Variants in RIMS2 observed in about 807,000 individuals in gnomAD.
RIMS2 encodes regulating synaptic membrane exocytosis protein 2.
RIMS2 carries 59 observed loss-of-function variants against 174.4 expected under a neutral mutation model. The observed-to-expected ratio is 0.34, with a 90% CI of 0.27 to 0.42. RIMS2 has a LOEUF of 0.42. Among genes scored for constraint, RIMS2 ranks in the 10% least tolerant of loss-of-function variants. RIMS2 has a pLI of 1.00. For synonymous variants in RIMS2, 606 were observed against 572.5 expected, an observed-to-expected ratio of 1.06 and a Z score of -0.84; for missense variants, 1,620 against 1,666.3, an observed-to-expected ratio of 0.97 and a Z score of 0.48.
intron 2 of RIMS2, among the ~76,000 whole-genome samples, chr8:103,746,564 A>C (rs1313384562): frequency 4.6e-5 from 7 of 152,120 alleles, no homozygotes. Flanking sequence ...TATTAAGCCT[A>C]GTATCCATTA....
chr8:103,788,121 T>G (rs1213424426), intron 3 of RIMS2, among the ~76,000 whole-genome samples: 2 of 150,954 alleles, frequency 1.3e-5, no homozygotes, highest in African/African-American at 4.9e-5. Context: ...TTCAGCTCCA[T>G]CAGCCCCTTT....
At chr8:103,711,235 C>G (rs2097299727) in intron 2 of RIMS2, among the ~76,000 whole-genome samples, 1 of 152,102 alleles carries the variant, frequency 6.6e-6, no homozygotes, top group Non-Finnish European at 1.5e-5. Context: ...GTAGAAATCT[C>G]TGGGGCACCA....
At chr8:103,961,093 C>A in exon 15 of RIMS2, 1 of 1,505,998 alleles carries the variant, frequency 6.6e-7, no homozygotes, top group Non-Finnish European at 9.2e-7. Flanking sequence ...ATAGTGAAGT[C>A]TCTGACTATG....
intron 4 of RIMS2, among the ~76,000 whole-genome samples, chr8:103,905,828 T>C (rs1203948056): frequency 6.6e-6 from 1 of 150,688 alleles, no homozygotes; most frequent in Non-Finnish European, 1.5e-5. Flanking sequence ...GATTGGGTCA[T>C]TTTTATTGTT....
chr8:103,664,350 A>G (rs1174218477), intron 1 of RIMS2, among the ~76,000 whole-genome samples: 4 of 152,040 alleles, frequency 2.6e-5, no homozygotes, highest in Non-Finnish European at 5.9e-5. Context: ...GCAGTACAGA[A>G]TGGGAGAAAA....
At chr8:103,541,284 C>A (rs1317059354) in intron 1 of RIMS2, among the ~76,000 whole-genome samples, 1 of 152,170 alleles carries the variant, frequency 6.6e-6, no homozygotes, top group African/African-American at 2.4e-5. Flanking sequence ...GTAAGGCCAA[C>A]AGCCTGCTTC....
At chr8:103,837,668 A>G (rs1192581951) in intron 3 of RIMS2, among the ~76,000 whole-genome samples, 1 of 152,152 alleles carries the variant, frequency 6.6e-6, no homozygotes, top group Non-Finnish European at 1.5e-5. Context: ...AGCTTCATCC[A>G]TGTTCCTACA....
At chr8:104,080,513 A>G (rs937231167) in intron 19 of RIMS2, among the ~76,000 whole-genome samples, 1 of 152,040 alleles carries the variant, frequency 6.6e-6, no homozygotes, top group African/African-American at 2.4e-5. Context: ...AATAACTATG[A>G]CTTAGAGAAT....
chr8:103,973,137 T>C (rs972641876), intron 15 of RIMS2, among the ~76,000 whole-genome samples: 3 of 152,242 alleles, frequency 2.0e-5, no homozygotes, highest in Non-Finnish European at 4.4e-5. Flanking sequence ...TCAGCTTCAT[T>C]TTCCTAAAGT....
At chr8:104,146,183 G>A (rs892346880) in intron 19 of RIMS2, among the ~76,000 whole-genome samples, 1 of 121,546 alleles carries the variant, frequency 8.2e-6, no homozygotes, top group African/African-American at 3.3e-5. Flanking sequence ...GGGCAACACA[G>A]TGAGAACCTG....
At chr8:104,053,438 A>ATATCT (rs1234433309) in intron 19 of RIMS2, among the ~76,000 whole-genome samples, 1 of 152,194 alleles carries the variant, frequency 6.6e-6, no homozygotes, top group African/African-American at 2.4e-5. Flanking sequence ...TCCACATATT[A>ATATCT]TATCTTCTCT....
At chr8:104,094,033 T>C (rs531444709) in intron 19 of RIMS2, among the ~76,000 whole-genome samples, 1 of 152,100 alleles carries the variant, frequency 6.6e-6, no homozygotes, top group African/African-American at 2.4e-5. Context: ...ACTTTTTCAG[T>C]AGGATGCTTT....
chr8:104,078,850 A>T (rs1432398259), intron 19 of RIMS2, among the ~76,000 whole-genome samples: 1 of 152,150 alleles, frequency 6.6e-6, no homozygotes, highest in Non-Finnish European at 1.5e-5. Context: ...ATCCTAAGAG[A>T]TAAAATATTT....
chr8:104,164,337 T>G (rs1321207348), intron 19 of RIMS2, among the ~76,000 whole-genome samples: 1 of 152,160 alleles, frequency 6.6e-6, no homozygotes, highest in East Asian at 1.9e-4. Context: ...AAAATAGATT[T>G]CTGTTTTACA....
intron 19 of RIMS2, among the ~76,000 whole-genome samples, chr8:104,035,092 T>A (rs1251985239): frequency 6.6e-6 from 1 of 152,170 alleles, no homozygotes; most frequent in African/African-American, 2.4e-5. Flanking sequence ...AGAATTTATT[T>A]ATTTGGACAT....
At chr8:104,051,570 A>C (rs1028784485) in intron 19 of RIMS2, among the ~76,000 whole-genome samples, 1 of 152,166 alleles carries the variant, frequency 6.6e-6, no homozygotes, top group African/African-American at 2.4e-5. Context: ...AAATGGACAG[A>C]GGAGAAACTG....
chr8:103,592,939 C>T (rs555110532), intron 1 of RIMS2, among the ~76,000 whole-genome samples: 3 of 151,362 alleles, frequency 2.0e-5, no homozygotes, highest in Admixed American at 6.6e-5. Flanking sequence ...GAATGATTGT[C>T]CCACAGAACT....
intron 3 of RIMS2, among the ~76,000 whole-genome samples, chr8:103,859,283 A>G (rs550778456): frequency 6.6e-6 from 1 of 152,296 alleles, no homozygotes; most frequent in South Asian, 2.1e-4. Flanking sequence ...TGAGGAAAGG[A>G]AAGGGGTAAG....
At chr8:103,624,142 G>A (rs576232048) in intron 1 of RIMS2, among the ~76,000 whole-genome samples, 2 of 152,164 alleles carry the variant, frequency 1.3e-5, no homozygotes, top group Admixed American at 6.5e-5. Flanking sequence ...GCCAAGGGGG[G>A]CCCAGATTAA....
Sources: gnomAD v4.1 joint callset for allele counts (sites outside exome capture counted in the v4.1 genomes callset) on GRCh38, gnomAD v4.1.1 for gene constraint, MANE v1.5 for transcripts, NCBI Gene and HGNC (gene_info 2026-07-23, HGNC 2026-07-21) for gene names.